NRXN1: variants seen among roughly 807,000 people sequenced by gnomAD.
NRXN1 encodes neurexin 1.
Under a neutral mutation model 150.9 loss-of-function variants are expected in NRXN1, and 39 were observed. That is an observed-to-expected ratio of 0.26 (90% CI 0.20 to 0.34). The LOEUF is 0.34. Ranked by LOEUF, NRXN1 falls within the 10% of genes least tolerant of loss-of-function variation. NRXN1 has a pLI of 1.00. For synonymous variants in NRXN1, 924 were observed against 757.0 expected, an observed-to-expected ratio of 1.22 and a Z score of -3.62; for missense variants, 1,815 against 1,949.9, an observed-to-expected ratio of 0.93 and a Z score of 1.30.
intron 8 of NRXN1, among the ~76,000 whole-genome samples, chr2:50,570,818 G>GT (rs1241726913): frequency 6.6e-6 from 1 of 152,094 alleles, no homozygotes; most frequent in African/African-American, 2.4e-5. Context: ...GCTACAGACT[G>GT]TAGGATATGA....
intron 12 of NRXN1, among the ~76,000 whole-genome samples, chr2:50,522,720 ATTTTTTT>A (rs869200431): frequency 2.1e-5 from 1 of 47,726 alleles, no homozygotes; most frequent in Non-Finnish European, 5.3e-5. Context: ...ATTTTTATTC[ATTTTTTT>A]TTTTTTTTTT....
At chr2:50,399,185 C>G (rs1172626869) in intron 17 of NRXN1, among the ~76,000 whole-genome samples, 1 of 151,918 alleles carries the variant, frequency 6.6e-6, no homozygotes, top group Non-Finnish European at 1.5e-5. Flanking sequence ...AATTCAAGAA[C>G]AGGGGAAATG....
intron 8 of NRXN1, among the ~76,000 whole-genome samples, chr2:50,614,567 C>T (rs1678729272): frequency 6.6e-6 from 1 of 150,522 alleles, no homozygotes; most frequent in Admixed American, 6.6e-5. Context: ...AGCACACCAA[C>T]ATGACACATG....
intron 21 of NRXN1, among the ~76,000 whole-genome samples, chr2:50,039,422 T>C (rs182783420): frequency 1.3e-4 from 20 of 152,262 alleles, no homozygotes; most frequent in Admixed American, 8.5e-4. Context: ...GCCGAGATCA[T>C]GCCACTGCAC....
At chr2:50,954,934 G>C (rs886303800) in intron 2 of NRXN1, among the ~76,000 whole-genome samples, 1 of 152,070 alleles carries the variant, frequency 6.6e-6, no homozygotes, top group African/African-American at 2.4e-5. Context: ...TTTGCTATAG[G>C]AGATAAACAG....
At chr2:50,202,664 C>T (rs990768185) in intron 18 of NRXN1, among the ~76,000 whole-genome samples, 2 of 152,116 alleles carry the variant, frequency 1.3e-5, no homozygotes, top group African/African-American at 4.8e-5. Flanking sequence ...GCAAAATTAA[C>T]ATATGTCTAG....
intron 17 of NRXN1, among the ~76,000 whole-genome samples, chr2:50,303,993 T>C (rs1322795163): frequency 6.6e-6 from 1 of 152,150 alleles, no homozygotes; most frequent in Admixed American, 6.5e-5. Context: ...TCAGACAAAA[T>C]AGCATTTTAT....
chr2:50,121,127 G>A lies in NRXN1; in HGVS notation c.3547-29633C>T, dbSNP rs146944631. Among the ~76,000 whole-genome samples, 24 of 152,284 alleles carry A rather than the reference G, an allele frequency of 1.6e-4. No homozygotes were observed. In the East Asian group the frequency reaches 4.4e-3, roughly 28 times the overall value. On this transcript the variant is annotated intron_variant, in intron 18 of 22. Coordinates refer to ENST00000401669, the MANE Select transcript of NRXN1 (RefSeq NM_001330078.2). ...GCAACCTCTGCCTCCGGGTTCAAGC[G>A]ATTCTCCTGCCTCAGCCTCCCAAGT...
At chr2:50,289,708 A>G (rs764126915) in intron 17 of NRXN1, among the ~76,000 whole-genome samples, 11 of 152,114 alleles carry the variant, frequency 7.2e-5, no homozygotes, top group Non-Finnish European at 1.3e-4. Context: ...CATCACAAAC[A>G]TATTTATATA....
chr2:50,535,830 A>T (rs1027462271), intron 10 of NRXN1, among the ~76,000 whole-genome samples: 18 of 152,158 alleles, frequency 1.2e-4, no homozygotes, highest in African/African-American at 4.1e-4. Context: ...TAATTTTTCC[A>T]TGTTGAACTT....
intron 2 of NRXN1, among the ~76,000 whole-genome samples, chr2:50,991,052 G>T (rs1698470009): frequency 6.6e-6 from 1 of 151,950 alleles, no homozygotes; most frequent in South Asian, 2.1e-4. Context: ...CATCTGCTCT[G>T]TGTGCCATGC....
chr2:50,915,928 T>C (rs553164756), intron 5 of NRXN1, among the ~76,000 whole-genome samples: 2 of 149,806 alleles, frequency 1.3e-5, no homozygotes, highest in South Asian at 4.3e-4. Context: ...TCAAGGTCAG[T>C]AAGGAACAAA....
intron 17 of NRXN1, among the ~76,000 whole-genome samples, chr2:50,443,739 G>A (rs1007285205): frequency 2.0e-5 from 3 of 152,104 alleles, no homozygotes; most frequent in Admixed American, 6.6e-5. Context: ...TCTTCAAACT[G>A]CAGCTATTCA....
intron 12 of NRXN1, among the ~76,000 whole-genome samples, chr2:50,513,311 T>C (rs1013145889): frequency 6.6e-6 from 1 of 152,190 alleles, no homozygotes; most frequent in Non-Finnish European, 1.5e-5. Context: ...AAATACACTA[T>C]ACACTATATA....
At chr2:49,970,373 T>C (rs1333450231) in intron 21 of NRXN1, 1 of 152,122 alleles carries the variant, frequency 6.6e-6, no homozygotes, top group Non-Finnish European at 1.5e-5. Flanking sequence ...TAGTTTATGA[T>C]GCAAAAATAT....
chr2:50,711,320 G>A (rs912008473), intron 5 of NRXN1, among the ~76,000 whole-genome samples: 2 of 149,982 alleles, frequency 1.3e-5, no homozygotes, highest in African/African-American at 2.5e-5. Context: ...TGATAGTTCA[G>A]GTACTGGACT....
intron 5 of NRXN1, among the ~76,000 whole-genome samples, chr2:50,776,672 A>T (rs889429204): frequency 3.3e-5 from 5 of 151,710 alleles, no homozygotes; most frequent in Non-Finnish European, 5.9e-5. Flanking sequence ...ACACACACAC[A>T]CACACATACA....
chr2:50,347,647 C>A lies in NRXN1; in HGVS notation c.3365-110677G>T. Reference sequence around the variant, plus strand: ...GGCGAGGGGTTCAGAGGGAAGAGTGCGCCCTTCTGAAGGAAGTGGGAATCG... The same window carrying A: ...GGCGAGGGGTTCAGAGGGAAGAGTGAGCCCTTCTGAAGGAAGTGGGAATCG... On this transcript the variant is annotated intron_variant, in intron 17 of 22. Coordinates refer to ENST00000401669, the MANE Select transcript of NRXN1 (RefSeq NM_001330078.2). This position sits in a 1 kb window ranked among gnomAD's most constrained non-coding sequence, Gnocchi z 4.9. 5.0e-6 allele frequency: 5 copies of A among 990,434 alleles called. No individual in the cohort carries two copies. The highest frequency in any genetic ancestry group is 6.0e-6 in the Non-Finnish European group (5 of 833,110). 61.4% of individuals were successfully genotyped at this position (990,434 alleles called of 1,614,324 possible). A position where few individuals can be genotyped will look rare whatever the true frequency, so the allele number is the denominator to read the frequency against.
At chr2:50,228,618 G>A (rs1030601201) in intron 18 of NRXN1, among the ~76,000 whole-genome samples, 1 of 151,982 alleles carries the variant, frequency 6.6e-6, no homozygotes, top group Non-Finnish European at 1.5e-5. Flanking sequence ...TTATTTGATA[G>A]CTAAAATTCA....
Sources: gnomAD v4.1 joint callset for allele counts (sites outside exome capture counted in the v4.1 genomes callset) on GRCh38, gnomAD v4.1.1 for gene constraint, Gnocchi (gnomAD v3.1) non-coding constraint, MANE v1.5 for transcripts, NCBI Gene and HGNC (gene_info 2026-07-23, HGNC 2026-07-21) for gene names.